Variants in LAMC1 observed in about 807,000 individuals in gnomAD.
The protein encoded by LAMC1 is laminin subunit gamma-1.
In LAMC1, 38 loss-of-function variants were observed where a neutral mutation model predicts 173.6. The ratio of observed to expected loss-of-function variants is 0.22; its 90% CI spans 0.17 to 0.29. LAMC1 has a LOEUF of 0.29. Ranked by LOEUF, LAMC1 falls within the 10% of genes least tolerant of loss-of-function variation. The pLI, the probability that LAMC1 is intolerant of heterozygous loss-of-function variation, is 1.00. For missense variants in LAMC1, 1,824 were observed against 2,051.8 expected, an observed-to-expected ratio of 0.89 and a Z score of 2.14; for synonymous variants, 746 against 749.1, an observed-to-expected ratio of 1.00 and a Z score of 0.07.
intron 1 of LAMC1, among the ~76,000 whole-genome samples, chr1:183,037,152 G>A (rs1219758998): frequency 6.6e-6 from 1 of 152,220 alleles, no homozygotes; most frequent in African/African-American, 2.4e-5. Flanking sequence ...GTTGTTAATG[G>A]TTCTAGGAAT....
intron 16 of LAMC1, 111 bp from the exon 17 acceptor site, chr1:183,127,115 A>AGTT: frequency 2.4e-6 from 2 of 819,006 alleles, no homozygotes; most frequent in Non-Finnish European, 3.5e-6. Flanking sequence ...TTTTCAAAAA[A>AGTT]ATTATGACAG....
At chr1:183,131,509 GCA>G (rs1195927567) in intron 20 of LAMC1, 131 bp downstream of exon 20, 1 of 602,446 alleles carries the variant, frequency 1.7e-6, no homozygotes, top group Non-Finnish European at 2.9e-6. Flanking sequence ...ACCCACTTTT[GCA>G]CACTTTGCTC....
intron 1 of LAMC1, among the ~76,000 whole-genome samples, chr1:183,092,715 AT>A (rs1397479798): frequency 6.6e-6 from 1 of 152,164 alleles, no homozygotes; most frequent in African/African-American, 2.4e-5. Flanking sequence ...GAAAATGTAT[AT>A]TATGCCTTTT....
In LAMC1 at chr1:183,126,520, A is replaced by G. The variant is rs146619407; in HGVS notation, c.2944+258A>G. On this transcript the variant is annotated intron_variant, in intron 16 of 27. Coordinates refer to ENST00000258341, the MANE Select transcript of LAMC1 (RefSeq NM_002293.4). ...CTTTTTCCAATCTTTTATTTTTTCC[A>G]AGGAAGTCTTCCTTTGATTACTGAG... Among the ~76,000 whole-genome samples, 11 of 152,264 alleles carry G rather than the reference A, an allele frequency of 7.2e-5. No homozygotes were observed. The East Asian group carries it at 1.7e-3, about 24-fold the overall frequency.
chr1:183,023,470 C>A lies in LAMC1; in HGVS notation c.-247C>A. The stretch of plus-strand genomic sequence containing the variant: ...GGGGGTCGGCGCGGAGTGCAGGCTG[C>A]TCCCGGGGTAGGTGAGGGAAGCGCG... On this transcript the variant is annotated 5_prime_UTR_variant, in exon 1 of 28. Coordinates refer to ENST00000258341, the MANE Select transcript of LAMC1 (RefSeq NM_002293.4). The A allele has an allele frequency of 4.8e-6, 1 of 208,132 alleles. No homozygotes were observed. Among genetic ancestry groups the A allele is most frequent in the Non-Finnish European group, 9.4e-6 (1 of 105,952 alleles). 12.9% of individuals were successfully genotyped at this position (208,132 alleles called of 1,614,324 possible).
At chr1:183,091,045 A>G (rs1655553446) in intron 1 of LAMC1, among the ~76,000 whole-genome samples, 1 of 152,200 alleles carries the variant, frequency 6.6e-6, no homozygotes, top group Non-Finnish European at 1.5e-5. Context: ...CTGTGAAATC[A>G]TAGATAATTC....
At chr1:183,033,131 G>A (rs567349761) in intron 1 of LAMC1, among the ~76,000 whole-genome samples, 2 of 152,268 alleles carry the variant, frequency 1.3e-5, no homozygotes, top group East Asian at 3.9e-4. Flanking sequence ...ACAATGTGAG[G>A]CTTCATCATC....
intron 1 of LAMC1, among the ~76,000 whole-genome samples, chr1:183,040,079 T>G (rs967655210): frequency 6.6e-5 from 10 of 152,190 alleles, no homozygotes; most frequent in Non-Finnish European, 4.4e-5. Context: ...TCTTCACATC[T>G]CTAGTGGTTT....
rs1327687212 is a variant in LAMC1 at position 183,143,260 on chromosome 1, A to ATGCATC, written c.*478_*483dup. ...TATATCCAGTCCATGGATAAAGAAAATGCATCTGCATCTCCTACCCCTCTT... is the reference window on the plus strand; with the variant it reads ...TATATCCAGTCCATGGATAAAGAAAATGCATCTGCATCTGCATCTCCTACCCCTCTT... On this transcript the variant is annotated 3_prime_UTR_variant, in exon 28 of 28. Transcript: ENST00000258341. 1 of 156,948 alleles carries ATGCATC rather than the reference A, an allele frequency of 6.4e-6. No homozygotes were observed. Among genetic ancestry groups the ATGCATC allele is most frequent in the Non-Finnish European group, 1.4e-5 (1 of 70,394 alleles). 9.7% of individuals were successfully genotyped at this position (156,948 alleles called of 1,614,324 possible).
chr1:183,123,789 C>G (rs1656545864), intron 13 of LAMC1, among the ~76,000 whole-genome samples: 1 of 152,238 alleles, frequency 6.6e-6, no homozygotes, highest in Non-Finnish European at 1.5e-5. Flanking sequence ...CCACCTTGTT[C>G]ACATCATCCT....
At chr1:183,060,396 A>G (rs1329326217) in intron 1 of LAMC1, among the ~76,000 whole-genome samples, 1 of 151,788 alleles carries the variant, frequency 6.6e-6, no homozygotes, top group African/African-American at 2.4e-5. Flanking sequence ...CAAAAAAGAA[A>G]AAAAAAAAAA....
At chr1:183,048,990 A>AGGG (rs1654340306) in intron 1 of LAMC1, among the ~76,000 whole-genome samples, 1 of 152,218 alleles carries the variant, frequency 6.6e-6, no homozygotes, top group East Asian at 1.9e-4. Flanking sequence ...ATATGATGGC[A>AGGG]GGGACTACAT....
In LAMC1 at chr1:183,130,410, G is replaced by A. The variant is rs548688323; in HGVS notation, c.3347G>A (p.Arg1116His). 58 of 1,614,152 alleles carry A rather than the reference G, an allele frequency of 3.6e-5. No individual in the cohort carries two copies. The highest frequency in any genetic ancestry group is 3.3e-4 in the Middle Eastern group (2 of 6,062). The change falls in exon 19 of 28, where the codon CGT becomes CAT. Residue 1116 changes from arginine (R) to histidine (H), a missense_variant. Transcript: ENST00000258341. Reference protein sequence around the residue: ...VNNTLSSQISRLQNIRNTIEE... With the variant: ...VNNTLSSQISHLQNIRNTIEE... ...AACACTCTGTCCAGCCAAATTAGCC[G>A]TTTACAGAATATCCGGAATACCATT...
At chr1:183,130,140 G>A (rs112748377) in intron 18 of LAMC1, among the ~76,000 whole-genome samples, 62 of 152,272 alleles carry the variant, frequency 4.1e-4, no homozygotes, top group African/African-American at 1.4e-3. Flanking sequence ...ACAGATGGAC[G>A]CACGGTTGGA....
At chr1:183,109,626 T>C (rs1558050779) in intron 3 of LAMC1, among the ~76,000 whole-genome samples, 1 of 152,198 alleles carries the variant, frequency 6.6e-6, no homozygotes, top group South Asian at 2.1e-4. Flanking sequence ...TGAGAGAAGA[T>C]GAGAGCTGGA....
intron 3 of LAMC1, 100 bp from the exon 4 acceptor site, chr1:183,110,388 T>G: frequency 1.1e-6 from 1 of 893,778 alleles, no homozygotes; most frequent in East Asian, 2.5e-5. Context: ...TTTACACTTT[T>G]GAATGGTAAA....
intron 1 of LAMC1, among the ~76,000 whole-genome samples, chr1:183,056,608 A>G: frequency 6.6e-6 from 1 of 152,114 alleles, no homozygotes; most frequent in East Asian, 1.9e-4. Context: ...TAACTAGTCC[A>G]TGAGGGGGCA....
chr1:183,095,337 T>C (rs1655666995), intron 1 of LAMC1, among the ~76,000 whole-genome samples: 1 of 152,178 alleles, frequency 6.6e-6, no homozygotes, highest in African/African-American at 2.4e-5. Flanking sequence ...TTTTCTCTTT[T>C]TAAAAAAACT....
intron 16 of LAMC1, 69 bp from the exon 17 acceptor site, chr1:183,127,157 C>T: frequency 7.0e-7 from 1 of 1,427,254 alleles, no homozygotes; most frequent in Non-Finnish European, 9.7e-7. Flanking sequence ...TTATTGTTAT[C>T]AGTCTGAATT....
Sources: gnomAD v4.1 joint callset for allele counts (sites outside exome capture counted in the v4.1 genomes callset) on GRCh38, gnomAD v4.1.1 for gene constraint, MANE v1.5 for transcripts, NCBI Gene and HGNC (gene_info 2026-07-23, HGNC 2026-07-21) for gene names.